GPC6: variants seen among roughly 807,000 people sequenced by gnomAD.
The protein encoded by GPC6 is glypican 6.
GPC6 carries 14 observed loss-of-function variants against 55.2 expected under a neutral mutation model. That is an observed-to-expected ratio of 0.25 (90% CI 0.17 to 0.40). The LOEUF is 0.40. GPC6 is among the 10% of genes least tolerant of loss of function. The probability of loss-of-function intolerance (pLI) is 1.00; values close to 1 mark genes in which losing one functional copy is unlikely to be tolerated. For synonymous variants in GPC6, 278 were observed against 259.6 expected (o/e 1.07, Z -0.68); for missense variants, 641 against 708.5 (o/e 0.90, Z 1.08).
chr13:93,855,334 T>C (rs1888560713), intron 3 of GPC6, among the ~76,000 whole-genome samples: 2 of 151,682 alleles, frequency 1.3e-5, no homozygotes, highest in African/African-American at 4.8e-5. Flanking sequence ...GTGAGGTTTC[T>C]CCGTGTCTCT....
At chr13:94,209,174 A>T (rs1161327218) in intron 4 of GPC6, among the ~76,000 whole-genome samples, 3 of 152,158 alleles carry the variant, frequency 2.0e-5, no homozygotes, top group Admixed American at 2.0e-4. Flanking sequence ...GCCTCTGCAG[A>T]CAGTGATTTT....
intron 4 of GPC6, among the ~76,000 whole-genome samples, chr13:94,274,346 A>G (rs114001862): frequency 0.011 from 1,739 of 152,344 alleles, 33 homozygotes; most frequent in African/African-American, 0.04. Context: ...TGTTTTCATT[A>G]AATTCTCTTT....
Position 93,898,940 on chromosome 13 carries a change from A to AATATAAATAT in GPC6, c.711+68400_711+68401insAATATATATA, listed in dbSNP as rs370234197. On this transcript the variant is annotated intron_variant, in intron 3 of 8. Coordinates refer to ENST00000377047, the MANE Select transcript of GPC6 (RefSeq NM_005708.5). ...GGGATATATAAAAATATTATATATA[A>AATATAAATAT]ATATATATATATATATATATATATA... 1.5e-4 allele frequency among the ~76,000 whole-genome samples: 21 copies of AATATAAATAT among 136,656 alleles called. No individual in the cohort carries two copies. The East Asian group carries it at 3.9e-3, about 26-fold the overall frequency. The allele number at this position is 136,656 out of a possible 152,430, so 89.7% of individuals were successfully genotyped here. A position where few individuals can be genotyped will look rare whatever the true frequency, so the allele number is the denominator to read the frequency against.
At position 93,393,139 on chromosome 13, in the gene GPC6, G is replaced by T. The variant is rs903618722; in HGVS notation, c.161-152124G>T. Among the ~76,000 whole-genome samples the T allele has an allele frequency of 2.9e-3, 426 of 146,928 alleles. 1 individual carries two copies. Among genetic ancestry groups the T allele is most frequent in the Non-Finnish European group, 4.2e-3 (283 of 67,120 alleles). ...ATATATATATATATAGAGAGAGAGA[G>T]AGAGAGAGAGAGAGAGAGAGTGAGA... On this transcript the variant is annotated intron_variant, in intron 1 of 8. Coordinates refer to ENST00000377047, the MANE Select transcript of GPC6 (RefSeq NM_005708.5).
chr13:93,544,199 T>G (rs769687985), intron 1 of GPC6, among the ~76,000 whole-genome samples: 1 of 152,164 alleles, frequency 6.6e-6, no homozygotes, highest in South Asian at 2.1e-4. Flanking sequence ...TATGTACTTG[T>G]AAACTTTTTT....
chr13:93,369,035 G>A (rs942964386), intron 1 of GPC6, among the ~76,000 whole-genome samples: 7 of 152,044 alleles, frequency 4.6e-5, no homozygotes, highest in African/African-American at 1.7e-4. Flanking sequence ...CTGCTGAGTG[G>A]TGATAGAAGT....
intron 2 of GPC6, among the ~76,000 whole-genome samples, chr13:93,738,962 CACACACACACTCACACACAT>C (rs1204862632): frequency 6.6e-6 from 1 of 151,586 alleles, no homozygotes; most frequent in Non-Finnish European, 1.5e-5. Context: ...CACACACACA[CACACACACACTCACACACAT>C]GAAATATCAA....
chr13:93,931,710 G>A (rs2140355165), intron 3 of GPC6, among the ~76,000 whole-genome samples: 1 of 144,874 alleles, frequency 6.9e-6, no homozygotes, highest in East Asian at 2.1e-4. Context: ...GTTGCAGTGA[G>A]CCAAGATCGC....
At chr13:94,397,729 A>G (rs993236511) in intron 7 of GPC6, among the ~76,000 whole-genome samples, 2 of 152,226 alleles carry the variant, frequency 1.3e-5, no homozygotes, top group African/African-American at 4.8e-5. Flanking sequence ...AATTAGCAGA[A>G]CTGAGGAAGG....
chr13:93,523,244 T>C (rs1047909015), intron 1 of GPC6, among the ~76,000 whole-genome samples: 1 of 150,424 alleles, frequency 6.6e-6, no homozygotes, highest in Non-Finnish European at 1.5e-5. Context: ...CATATGTACA[T>C]ATACACATAT....
chr13:93,371,990 G>A lies in GPC6; in HGVS notation c.160+144374G>A, dbSNP rs533479878. Among the ~76,000 whole-genome samples, 224 of 152,188 alleles carry A rather than the reference G, an allele frequency of 1.5e-3. 7 individuals carry two copies. Among genetic ancestry groups the A allele is most frequent in the Admixed American group, 0.014 (212 of 15,262 alleles). On this transcript the variant is annotated intron_variant, in intron 1 of 8. Transcript: ENST00000377047. ...GGGTCTTAGGGTGCATCAGTCCCACGTTAGTGAAACATACATCTTATTGGG... is the reference window on the plus strand; with the variant it reads ...GGGTCTTAGGGTGCATCAGTCCCACATTAGTGAAACATACATCTTATTGGG...
At chr13:93,977,200 C>G (rs1272790193) in intron 3 of GPC6, among the ~76,000 whole-genome samples, 1 of 152,068 alleles carries the variant, frequency 6.6e-6, no homozygotes, top group Admixed American at 6.6e-5. Flanking sequence ...TTGCTCACTG[C>G]TAACTCAGGA....
At chr13:93,846,434 C>A (rs750659823) in intron 3 of GPC6, among the ~76,000 whole-genome samples, 1 of 152,176 alleles carries the variant, frequency 6.6e-6, no homozygotes, top group Non-Finnish European at 1.5e-5. Flanking sequence ...AATTTTTGGT[C>A]TCTAAATACA....
At chr13:93,995,279 C>T (rs1214823929) in intron 3 of GPC6, among the ~76,000 whole-genome samples, 1 of 151,994 alleles carries the variant, frequency 6.6e-6, no homozygotes, top group Non-Finnish European at 1.5e-5. Context: ...CTTCTGCCTC[C>T]TGGGTTCAAG....
chr13:93,307,735 T>C (rs913566802), intron 1 of GPC6, among the ~76,000 whole-genome samples: 16 of 152,264 alleles, frequency 1.1e-4, no homozygotes, highest in African/African-American at 3.4e-4. Context: ...ATAATACTTA[T>C]TTTTATGACA....
intron 3 of GPC6, among the ~76,000 whole-genome samples, chr13:93,870,770 GGCCTCAAAATAAAACAAGGTTTT>G (rs1566578709): frequency 6.6e-6 from 1 of 151,716 alleles, no homozygotes; most frequent in Admixed American, 6.6e-5. Flanking sequence ...CAAACTGAGA[GGCCTCAAAATAAAACAAGGTTTT>G]GCCTCAAAAT....
At chr13:93,392,519 T>C (rs1875670293) in intron 1 of GPC6, among the ~76,000 whole-genome samples, 1 of 152,210 alleles carries the variant, frequency 6.6e-6, no homozygotes, top group African/African-American at 2.4e-5. Flanking sequence ...AATACCCCAA[T>C]GCAAGGTTTT....
rs562078062 is a variant in GPC6, at chr13:94,205,449, C to A, written c.878-80900C>A. ...TTATCTTGTTTAAGAAAATAAGAAG[C>A]AAAAACACCAAGAGGCCTATTTGTT... On this transcript the variant is annotated intron_variant, in intron 4 of 8. Coordinates refer to ENST00000377047, the MANE Select transcript of GPC6 (RefSeq NM_005708.5). 1.2e-4 allele frequency among the ~76,000 whole-genome samples: 18 copies of A among 152,216 alleles called. No homozygotes were observed. The East Asian group carries it at 3.1e-3, about 26-fold the overall frequency.
chr13:93,358,784 A>G (rs1358136001), intron 1 of GPC6, among the ~76,000 whole-genome samples: 1 of 152,128 alleles, frequency 6.6e-6, no homozygotes, highest in African/African-American at 2.4e-5. Flanking sequence ...CATTTTATGT[A>G]AGTGGCTCCA....
Sources: gnomAD v4.1 joint callset for allele counts (sites outside exome capture counted in the v4.1 genomes callset) on GRCh38, gnomAD v4.1.1 for gene constraint, MANE v1.5 for transcripts, NCBI Gene and HGNC (gene_info 2026-07-23, HGNC 2026-07-21) for gene names.